Variants in COMP observed in about 807,000 individuals in gnomAD.
The protein encoded by COMP is cartilage oligomeric matrix protein (pseudoachondroplasia, epiphyseal dysplasia 1, multiple).
Under a neutral mutation model 95.8 loss-of-function variants are expected in COMP, and 79 were observed. That is an observed-to-expected ratio of 0.82 (90% CI 0.69 to 0.99). COMP has a LOEUF of 0.99. COMP is among the 50% of genes least tolerant of loss of function. The pLI is 0.00. For synonymous variants in COMP, 438 were observed against 433.9 expected, an observed-to-expected ratio of 1.01 and a Z score of -0.12; for missense variants, 906 against 1,076.1, an observed-to-expected ratio of 0.84 and a Z score of 2.21.
chr19:18,783,600 C>A lies in COMP; in HGVS notation c.2088-407G>T, dbSNP rs527405360. The stretch of plus-strand genomic sequence containing the variant: ...TAGCTGGGACCATGGGCACGTGCCA[C>A]CATGCCTGGCATTTTTTTTTTTTTT... On this transcript the variant is annotated intron_variant, in intron 17 of 18. Transcript: ENST00000222271. Among the ~76,000 whole-genome samples, 19 of 151,342 alleles carry A rather than the reference C, an allele frequency of 1.3e-4. No individual in the cohort carries two copies. In the South Asian group the frequency reaches 1.5e-3, roughly 12 times the overall value.
At chr19:18,790,503 C>G in intron 3 of COMP, 59 bp downstream of exon 3, 1 of 1,604,138 alleles carries the variant, frequency 6.2e-7, no homozygotes, top group Non-Finnish European at 8.5e-7. Flanking sequence ...CTCTCTGTCT[C>G]TGTCTCTGTG....
At chr19:18,790,803 C>T in intron 2 of COMP, 47 bp downstream of exon 2, 1 of 1,561,412 alleles carries the variant, frequency 6.4e-7, no homozygotes. Context: ...GAACTGAGAC[C>T]CCCTTCCGTT....
chr19:18,789,215 T>C lies in COMP; in HGVS notation c.473A>G (p.Tyr158Cys). ...GFRCEACPPGYSGPTHQGVGL... is the reference protein window; with the variant it reads ...GFRCEACPPGCSGPTHQGVGL... ...CACGCCCTGGTGGGTGGGGCCGCTG[T>C]ACCCCGGCGGGCAAGCCTCGCAGCG... is the stretch of plus-strand genomic sequence containing the variant. Residue 158 changes from tyrosine to cysteine, a missense_variant, in exon 5 of 19, where the codon TAC (tyrosine) becomes TGC (cysteine). Coordinates refer to ENST00000222271, the MANE Select transcript of COMP (RefSeq NM_000095.3). This position sits in a 1 kb window ranked among gnomAD's most constrained non-coding sequence, Gnocchi z 6.1. The C allele has an allele frequency of 6.5e-7, 1 of 1,540,840 alleles. No homozygotes were observed. Among genetic ancestry groups the C allele is most frequent in the Non-Finnish European group, 8.7e-7 (1 of 1,151,818 alleles).
intron 1 of COMP, 82 bp downstream of exon 1, chr19:18,791,109 A>G: frequency 6.6e-7 from 1 of 1,523,018 alleles, no homozygotes; most frequent in Non-Finnish European, 8.9e-7. Flanking sequence ...TGAGCCCCAA[A>G]CAGCCTGGAT....
At position 18,788,183 on chromosome 19, in the gene COMP, T is replaced by C. The variant is rs747637374; in HGVS notation, c.975+29A>G. 12 of 1,582,068 alleles carry C rather than the reference T, an allele frequency of 7.6e-6. No individual in the cohort carries two copies. In the African/African-American group the frequency reaches 1.5e-4, roughly 20 times the overall value. Reference sequence around the variant, plus strand: ...TCCCAAAGTGCTGGGATTACAGGAGTGAACCACCGTGCCGAGCCGTAGATC... The same window carrying C: ...TCCCAAAGTGCTGGGATTACAGGAGCGAACCACCGTGCCGAGCCGTAGATC... On this transcript the variant is annotated intron_variant, in intron 9 of 18. Coordinates refer to ENST00000222271, the MANE Select transcript of COMP (RefSeq NM_000095.3). This position sits in a 1 kb window ranked among gnomAD's most constrained non-coding sequence, Gnocchi z 4.7.
chr19:18,787,726 C>A, intron 9 of COMP, 76 bp from the exon 10 acceptor site: 1 of 1,589,876 alleles, frequency 6.3e-7, no homozygotes, highest in Admixed American at 1.7e-5. Flanking sequence ...CCCAAATCTC[C>A]GAGGACGCGT....
In COMP at chr19:18,788,793, T is replaced by C; in HGVS notation, c.604-43A>G. ...GAGGTCAGCGCAGGCCGCCCGCCGCTCGCCCCACCTCCCGCGATCCTTTCT... is the reference window on the plus strand; with the variant it reads ...GAGGTCAGCGCAGGCCGCCCGCCGCCCGCCCCACCTCCCGCGATCCTTTCT... On this transcript the variant is annotated intron_variant, in intron 6 of 18. Coordinates refer to ENST00000222271, the MANE Select transcript of COMP (RefSeq NM_000095.3). This position sits in a 1 kb window ranked among gnomAD's most constrained non-coding sequence, Gnocchi z 4.7. The C allele has an allele frequency of 6.2e-7, 1 of 1,608,908 alleles. No homozygotes were observed. Among genetic ancestry groups the C allele is most frequent in the Non-Finnish European group, 8.5e-7 (1 of 1,178,086 alleles).
rs1453867780 is a variant in COMP, at chr19:18,789,706, C to A, written c.390+236G>T. On this transcript the variant is annotated intron_variant, in intron 4 of 18. Coordinates refer to ENST00000222271, the MANE Select transcript of COMP (RefSeq NM_000095.3). The surrounding 1 kb of genome is among the most constrained non-coding windows in gnomAD (Gnocchi z 6.1). ...CCTGGCGGTGAGGGAGTCGTCGGGGCGGGCGTCACTAGCTATGTAGGGGGT... is the reference window on the plus strand; with the variant it reads ...CCTGGCGGTGAGGGAGTCGTCGGGGAGGGCGTCACTAGCTATGTAGGGGGT... Among the ~76,000 whole-genome samples, 3 of 145,978 alleles carry A rather than the reference C, an allele frequency of 2.1e-5. No individual in the cohort carries two copies. Among genetic ancestry groups the A allele is most frequent in the African/African-American group, 5.2e-5 (2 of 38,696 alleles).
At position 18,789,426 on chromosome 19, in the gene COMP, A is replaced by T. The variant is rs73523211; in HGVS notation, c.391-129T>A. 5.9e-3 allele frequency: 6,340 copies of T among 1,073,306 alleles called. 294 individuals carry two copies. In the African/African-American group the frequency reaches 0.092, roughly 16 times the overall value. 66.5% of individuals were successfully genotyped at this position (1,073,306 alleles called of 1,614,324 possible). On this transcript the variant is annotated intron_variant, in intron 4 of 18. Transcript: ENST00000222271. This position sits in a 1 kb window ranked among gnomAD's most constrained non-coding sequence, Gnocchi z 6.1. The stretch of plus-strand genomic sequence containing the variant: ...GTGCTTGGAGCTCTGAGATGGAAGC[A>T]ATTGTCGCAGGGGTCAGGCACGACT...
Position 18,789,713 on chromosome 19 carries a change from C to T in COMP, c.390+229G>A, listed in dbSNP as rs1343395231. ...GTGAGGGAGTCGTCGGGGCGGGCGTCACTAGCTATGTAGGGGGTTGTGGGG... is the reference window on the plus strand; with the variant it reads ...GTGAGGGAGTCGTCGGGGCGGGCGTTACTAGCTATGTAGGGGGTTGTGGGG... On this transcript the variant is annotated intron_variant, in intron 4 of 18. Transcript: ENST00000222271. This position sits in a 1 kb window ranked among gnomAD's most constrained non-coding sequence, Gnocchi z 6.1. 6.7e-6 allele frequency among the ~76,000 whole-genome samples: 1 copy of T among 149,728 alleles called. No individual in the cohort carries two copies. The highest frequency in any genetic ancestry group is 1.5e-5 in the Non-Finnish European group (1 of 67,336).
intron 10 of COMP, chr19:18,786,963 G>A (rs1332770825): frequency 2.8e-6 from 1 of 353,488 alleles, no homozygotes; most frequent in Non-Finnish European, 5.3e-6. Flanking sequence ...AGTACAGACG[G>A]AGTTTCACCA....
At position 18,786,157 on chromosome 19, in the gene COMP, T is replaced by C; in HGVS notation, c.1308-11A>G. On this transcript the variant is annotated splice_polypyrimidine_tract_variant and intron_variant, in intron 12 of 18. Coordinates refer to ENST00000222271, the MANE Select transcript of COMP (RefSeq NM_000095.3). ...TGTCCGTCTCCATCCCTAGAGTGGA[T>C]AGGTGGGATCCAGAGACAATGAGCT... 2 of 1,614,076 alleles carry C rather than the reference T, an allele frequency of 1.2e-6. No individual in the cohort carries two copies. The highest frequency in any genetic ancestry group is 1.7e-6 in the Non-Finnish European group (2 of 1,180,016).
At position 18,784,510 on chromosome 19, in the gene COMP, G is replaced by A; in HGVS notation, c.1915-147C>T. The A allele has an allele frequency of 1.1e-6, 1 of 907,650 alleles. No individual in the cohort carries two copies. Among genetic ancestry groups the A allele is most frequent in the South Asian group, 1.4e-5 (1 of 71,210 alleles). 56.2% of individuals were successfully genotyped at this position (907,650 alleles called of 1,614,324 possible). A position where few individuals can be genotyped will look rare whatever the true frequency, so the allele number is the denominator to read the frequency against. The stretch of plus-strand genomic sequence containing the variant: ...GACCCACAAGGAAGCCTTCTTCAGG[G>A]GCCAAATGGCAGCTTGGGGATAGGT... On this transcript the variant is annotated intron_variant, in intron 16 of 18. Transcript: ENST00000222271. The surrounding 1 kb of genome is among the most constrained non-coding windows in gnomAD (Gnocchi z 4.9).
At position 18,786,595 on chromosome 19, in the gene COMP, G is replaced by C; in HGVS notation, c.1191C>G (p.Asp397Glu). Residue 397 changes from aspartate to glutamate, a missense_variant, in exon 11 of 19, where the codon GAC (aspartate) becomes GAG (glutamate). By Grantham distance (45) the Asp-to-Glu change is conservative (BLOSUM62 2). Coordinates refer to ENST00000222271, the MANE Select transcript of COMP (RefSeq NM_000095.3). ...CATCCCCTATACCATCGCCATCACT[G>C]TCCTTCTGGTCTGAGTTGGGTACCC... ...CPRVPNSDQK[D>E]SDGDGIGDAC... is the part of the protein sequence containing the mutation. 1.9e-6 allele frequency: 3 copies of C among 1,614,042 alleles called. No homozygotes were observed. Among genetic ancestry groups the C allele is most frequent in the Non-Finnish European group, 2.5e-6 (3 of 1,180,014 alleles).
In COMP at chr19:18,786,107, G is replaced by A. The variant is rs543419638; in HGVS notation, c.1347C>T (p.Pro449=). ...DGHQDSRDNC[P]TVPNSAQEDS... is the part of the protein sequence containing the mutation. ...CCTCCTGGGCACTGTTAGGCACCGT[G>A]GGACAGTTGTCCCGAGAGTCCTGAT... The change falls in exon 13 of 19, where the codon CCC becomes CCT. Residue 449 remains proline (P), a synonymous_variant. Coordinates refer to ENST00000222271, the MANE Select transcript of COMP (RefSeq NM_000095.3). The A allele has an allele frequency of 6.2e-7, 1 of 1,614,172 alleles. No individual in the cohort carries two copies. Among genetic ancestry groups the A allele is most frequent in the South Asian group, 1.1e-5 (1 of 91,078 alleles).
rs1456063513 is a variant in COMP, at chr19:18,783,100, G to A, written c.2181C>T (p.Phe727=). Residue 727 remains phenylalanine, a synonymous_variant, in exon 18 of 19, where the codon TTC becomes TTT. Coordinates refer to ENST00000222271, the MANE Select transcript of COMP (RefSeq NM_000095.3). ...TGGCCCAGATGATGTTCTCCTGGGA[G>A]AAGCAGAAGACCCCCAGGCGGCCAC... The part of the protein sequence containing the change: ...MRGGRLGVFC[F]SQENIIWANL... 2.5e-6 allele frequency: 4 copies of A among 1,611,918 alleles called. No individual in the cohort carries two copies. Among genetic ancestry groups the A allele is most frequent in the South Asian group, 1.1e-5 (1 of 91,084 alleles).
chr19:18,790,238 G>T, intron 3 of COMP, 124 bp from the exon 4 acceptor site: 4 of 759,568 alleles, frequency 5.3e-6, no homozygotes, highest in Non-Finnish European at 8.0e-6. Flanking sequence ...CCCCGGGGCG[G>T]CCCGAAATCC....
intron 17 of COMP, among the ~76,000 whole-genome samples, chr19:18,783,928 TAG>T (rs2055145492): frequency 1.3e-5 from 2 of 152,100 alleles, no homozygotes; most frequent in Admixed American, 1.3e-4. Context: ...TTCTTTTTTG[TAG>T]AGACAGGGTC....
In COMP at chr19:18,785,627, G is replaced by A. The variant is rs951397973; in HGVS notation, c.1668+46C>T. On this transcript the variant is annotated intron_variant, in intron 14 of 18. Transcript: ENST00000222271. ...CTGTCCTCAGCATAGGCCTCACTGT[G>A]GGGGTTCTAGGGTCCCATCACCCCC... 3.7e-6 allele frequency: 6 copies of A among 1,613,336 alleles called. No homozygotes were observed. In the African/African-American group the frequency reaches 4.0e-5, roughly 11 times the overall value.
Sources: gnomAD v4.1 joint callset for allele counts (sites outside exome capture counted in the v4.1 genomes callset) on GRCh38, gnomAD v4.1.1 for gene constraint, Gnocchi (gnomAD v3.1) non-coding constraint, MANE v1.5 for transcripts, NCBI Gene and HGNC (gene_info 2026-07-23, HGNC 2026-07-21) for gene names.